DOK7: variants seen among roughly 807,000 people sequenced by gnomAD.
The protein encoded by DOK7 is docking protein 7.
Under a neutral mutation model 30.7 loss-of-function variants are expected in DOK7, and 32 were observed. The observed-to-expected ratio is 1.04, with a 90% confidence interval of 0.79 to 1.40. The LOEUF (loss-of-function observed/expected upper bound fraction) is 1.40, where lower values mean the gene tolerates loss of function less well. Among genes scored for constraint, DOK7 ranks in the 40% most tolerant of loss-of-function variants. DOK7 has a pLI of 0.00. For missense variants in DOK7, 1,007 were observed against 699.2 expected, an observed-to-expected ratio of 1.44 and a Z score of -4.97; for synonymous variants, 447 against 324.1, an observed-to-expected ratio of 1.38 and a Z score of -4.07.
chr4:3,496,164 C>G (rs1213213629), downstream of DOK7, among the ~76,000 whole-genome samples: 5 of 152,262 alleles, frequency 3.3e-5, no homozygotes, highest in African/African-American at 1.2e-4. Flanking sequence ...GGGCCGCTGT[C>G]CCTCCCGCAA....
At chr4:3,486,067 C>T (rs1230990122) in intron 5 of DOK7, among the ~76,000 whole-genome samples, 2 of 152,238 alleles carry the variant, frequency 1.3e-5, no homozygotes, top group African/African-American at 2.4e-5. Flanking sequence ...GACTCTGCAG[C>T]TGGGGTCGGG....
chr4:3,496,951 T>G (rs879182953), downstream of DOK7: 224 of 48,588 alleles, frequency 4.6e-3, no homozygotes, highest in Middle Eastern at 0.012. Flanking sequence ...TTTGACTAGA[T>G]GGGGAGGGGG....
In DOK7 at chr4:3,473,587, C is replaced by T. The variant is rs377025553; in HGVS notation, c.282C>T (p.His94=). 5.3e-4 allele frequency: 847 copies of T among 1,608,080 alleles called. 2 individuals carry two copies. The highest frequency in any genetic ancestry group is 1.6e-3 in the Middle Eastern group (7 of 4,488). Residue 94 remains histidine (H), a synonymous_variant, in exon 3 of 7, where the codon CAC becomes CAT. Transcript: ENST00000340083. ...SQAIMLGFDS[H]EAMCAWDARI... The stretch of plus-strand genomic sequence containing the variant: ...CCATCATGCTGGGCTTTGACAGCCA[C>T]GAGGCCATGTGTGCGTGGGATGCCC...
chr4:3,476,589 C>T (rs745897216), intron 4 of DOK7, 47 bp downstream of exon 4: 11 of 1,610,892 alleles, frequency 6.8e-6, no homozygotes, highest in Non-Finnish European at 7.6e-6. Flanking sequence ...GCACCCCCCA[C>T]TTCCCCTGAG....
chr4:3,496,261 CG>C (rs1728905965), downstream of DOK7, among the ~76,000 whole-genome samples: 1 of 152,196 alleles, frequency 6.6e-6, no homozygotes, highest in South Asian at 2.1e-4. Flanking sequence ...AGGAGAAGGT[CG>C]CCTGCAGTGT....
intron 2 of DOK7, among the ~76,000 whole-genome samples, chr4:3,468,369 TGTGTGTGCAA>T (rs1461732185): frequency 6.7e-6 from 1 of 150,138 alleles, no homozygotes; most frequent in Non-Finnish European, 1.5e-5. Flanking sequence ...TGCGTGTGTC[TGTGTGTGCAA>T]GTGTGTGCCG....
At chr4:3,468,254 GTGTC>G (rs1726439305) in intron 2 of DOK7, among the ~76,000 whole-genome samples, 2 of 151,986 alleles carry the variant, frequency 1.3e-5, no homozygotes, top group South Asian at 4.2e-4. Flanking sequence ...GTGCAAGTGT[GTGTC>G]CGCGTGCATG....
At chr4:3,496,042 G>T (rs1728892127), downstream of DOK7, among the ~76,000 whole-genome samples, 2 of 152,212 alleles carry the variant, frequency 1.3e-5, no homozygotes, top group Non-Finnish European at 2.9e-5. Flanking sequence ...GGAGGGTGCT[G>T]CGCCTTCTTT....
chr4:3,478,147 G>T (rs1727215672), intron 4 of DOK7, among the ~76,000 whole-genome samples: 1 of 152,216 alleles, frequency 6.6e-6, no homozygotes, highest in African/African-American at 2.4e-5. Flanking sequence ...GGCACGGGCA[G>T]GCAGCCGGCC....
downstream of DOK7, among the ~76,000 whole-genome samples, chr4:3,495,885 T>G (rs16844485): frequency 9.7e-4 from 148 of 152,156 alleles, no homozygotes; most frequent in African/African-American, 3.5e-3. Context: ...GTTCTCAAAG[T>G]CTAGACCAGC....
In DOK7 at chr4:3,493,466, G is replaced by A. The variant is rs202073484; in HGVS notation, c.1480G>A (p.Val494Ile). 438 of 1,610,928 alleles carry A rather than the reference G, an allele frequency of 2.7e-4. 3 individuals are homozygous for A. In the African/African-American group the frequency reaches 3.7e-3, roughly 14 times the overall value. The change falls in exon 7 of 7, where the codon GTC becomes ATC. Residue 494 changes from valine (V) to isoleucine (I), a missense_variant. Physicochemically the swap from Val to Ile is conservative, Grantham distance 29 (BLOSUM62 3). Coordinates refer to ENST00000340083, the MANE Select transcript of DOK7 (RefSeq NM_173660.5). ...PPPAFFSACP[V>I]CGGLKVNPPP is the part of the protein sequence containing the mutation. ...CCCGGCTTTCTTTTCGGCATGTCCAGTCTGTGGAGGACTCAAGGTAAACCC... is the reference window on the plus strand; with the variant it reads ...CCCGGCTTTCTTTTCGGCATGTCCAATCTGTGGAGGACTCAAGGTAAACCC...
rs370967580 is a variant in DOK7, at chr4:3,489,781, A to T, written c.757A>T (p.Arg253Trp). The change falls in exon 6 of 7, where the codon AGG becomes TGG. Residue 253 changes from arginine (R) to tryptophan (W), a missense_variant. By Grantham distance (101) the Arg-to-Trp change is moderately radical. Transcript: ENST00000340083. ...KRLSLLSHAG[R>W]PGSGGDDRSL... ...GCTGAGCCTCCTCTCACATGCGGGC[A>T]GGCCGGGCAGTGGAGGTAGGGCCGG... The T allele has an allele frequency of 6.4e-7, 1 of 1,573,774 alleles. No homozygotes were observed. Among genetic ancestry groups the T allele is most frequent in the African/African-American group, 1.3e-5 (1 of 74,144 alleles).
chr4:3,492,668 T>A (rs1306162899), intron 6 of DOK7, 91 bp from the exon 7 acceptor site: 17 of 1,557,244 alleles, frequency 1.1e-5, no homozygotes, highest in Non-Finnish European at 1.4e-5. Flanking sequence ...GACCAGAGAG[T>A]GCTGGCCTGT....
chr4:3,472,622 CACAGGGA>C (rs1442898875), intron 2 of DOK7, among the ~76,000 whole-genome samples: 2 of 152,252 alleles, frequency 1.3e-5, no homozygotes, highest in Non-Finnish European at 2.9e-5. Flanking sequence ...CCCAAGGCCA[CACAGGGA>C]CTGTGCTGTG....
downstream of DOK7, among the ~76,000 whole-genome samples, chr4:3,495,237 G>A (rs1012527273): frequency 2.0e-5 from 3 of 152,230 alleles, no homozygotes; most frequent in Non-Finnish European, 4.4e-5. Context: ...CCCTGCTGCT[G>A]TCACCTCCGG....
chr4:3,493,971 C>T lies in DOK7; in HGVS notation c.*470C>T. ...ATCAAGCTACCACAGAGGCTCCGGC[C>T]ACCTGGGCTCCACCAGCCCAGCCCC... is the stretch of plus-strand genomic sequence containing the variant. On this transcript the variant is annotated 3_prime_UTR_variant, in exon 7 of 7. Transcript: ENST00000340083. 2.0e-6 allele frequency: 2 copies of T among 992,780 alleles called. No homozygotes were observed. Among genetic ancestry groups the T allele is most frequent in the Non-Finnish European group, 2.4e-6 (2 of 836,996 alleles). The allele number at this position is 992,780 out of a possible 1,614,324, so 61.5% of individuals were successfully genotyped here.
At chr4:3,494,939 G>GTCCC (rs1165680830), downstream of DOK7, among the ~76,000 whole-genome samples, 244 of 152,234 alleles carry the variant, frequency 1.6e-3, 2 homozygotes, top group African/African-American at 5.5e-3. Flanking sequence ...CCGCCACCCT[G>GTCCC]TTGTGGGTGC....
chr4:3,463,667 C>G, intron 2 of DOK7, 116 bp downstream of exon 2: 3 of 1,336,986 alleles, frequency 2.2e-6, no homozygotes, highest in Non-Finnish European at 3.1e-6. Flanking sequence ...CGCCGGGAAA[C>G]CCGAGAGCCC....
At chr4:3,469,648 C>A (rs1235375912) in intron 2 of DOK7, among the ~76,000 whole-genome samples, 1 of 152,220 alleles carries the variant, frequency 6.6e-6, no homozygotes, top group Non-Finnish European at 1.5e-5. Flanking sequence ...ACCCGGCACA[C>A]GTGCTGTGTC....
Sources: allele counts gnomAD v4.1 joint callset (sites outside exome capture counted in the v4.1 genomes callset), GRCh38; gene constraint gnomAD v4.1.1; transcripts MANE v1.5; gene names NCBI Gene and HGNC (gene_info 2026-07-23, HGNC 2026-07-21).